The following SPDYE1 variants were observed in gnomAD, a reference collection of about 807,000 sequenced individuals.
The protein encoded by SPDYE1 is speedy protein E1.
In SPDYE1, 29 loss-of-function variants were observed where a neutral mutation model predicts 45.9. The observed-to-expected ratio is 0.63, with a 90% CI of 0.47 to 0.86. The LOEUF is 0.86. Among genes scored for constraint, SPDYE1 ranks in the 40% least tolerant of loss-of-function variants. The pLI is 0.00. For missense variants in SPDYE1, 346 were observed against 481.4 expected, an observed-to-expected ratio of 0.72 and a Z score of 2.63; for synonymous variants, 134 against 176.8, an observed-to-expected ratio of 0.76 and a Z score of 1.92.
In SPDYE1 at chr7:44,008,864, G is replaced by C. The variant is rs540544661; in HGVS notation, c.*243G>C. On this transcript the variant is annotated 3_prime_UTR_variant, in exon 9 of 9. Coordinates refer to ENST00000693451, the MANE Select transcript of SPDYE1 (RefSeq NM_001378423.2). ...GGGGGAGGGGGATGGGGTCCTTCTAGGAGTCCTTGGAGAAAAGTAAGAAAC... is the reference window on the plus strand; with the variant it reads ...GGGGGAGGGGGATGGGGTCCTTCTACGAGTCCTTGGAGAAAAGTAAGAAAC... 8 of 518,740 alleles carry C rather than the reference G, an allele frequency of 1.5e-5. No individual in the cohort carries two copies. The highest frequency in any genetic ancestry group is 2.7e-5 in the Non-Finnish European group (7 of 261,576). The allele number at this position is 518,740 out of a possible 1,614,324, so 32.1% of individuals were successfully genotyped here.
At chr7:44,008,502 C>G (rs1208664660) in intron 8 of SPDYE1, among the ~76,000 whole-genome samples, 165 bp from the exon 9 acceptor site, 1 of 152,186 alleles carries the variant, frequency 6.6e-6, no homozygotes, top group Non-Finnish European at 1.5e-5. Context: ...GTGTGAGTTT[C>G]ACAGTTGAAC....
chr7:44,007,902 C>T (rs192412920), intron 8 of SPDYE1, 89 bp downstream of exon 8: 17,756 of 1,543,034 alleles, frequency 0.012, 345 homozygotes, highest in South Asian at 0.076. Context: ...GGCTTCAAGC[C>T]TGGGCAACGT....
At chr7:44,007,964 C>T (rs182511573) in intron 8 of SPDYE1, 151 bp downstream of exon 8, 68 of 1,498,624 alleles carry the variant, frequency 4.5e-5, no homozygotes, top group African/African-American at 1.4e-4. Flanking sequence ...CAATGTGGGA[C>T]GCATCTCTAC....
At chr7:44,002,263 G>A (rs1358081507) in intron 3 of SPDYE1, among the ~76,000 whole-genome samples, 2 of 140,748 alleles carry the variant, frequency 1.4e-5, no homozygotes, top group African/African-American at 2.7e-5. Context: ...AGCCAAGATC[G>A]CACCACTACA....
rs746792157 is a variant in SPDYE1, at chr7:44,001,245, A to C, written c.340A>C (p.Ile114Leu). Residue 114 changes from isoleucine to leucine, a missense_variant, in exon 3 of 9, where the codon ATC (isoleucine) becomes CTC (leucine). This residue lies in a region of SPDYE1 where 141 missense variants were observed against 176.7 expected (regional missense o/e 0.80). Transcript: ENST00000693451. Reference protein sequence around the residue: ...MKLKQQRVSPILLEHHKDFNS... With the variant: ...MKLKQQRVSPLLLEHHKDFNS... ...GCTGAAGCAACAGCGAGTGTCACCCATCCTCCTTGAGCACCACAAGGACTT... is the reference window on the plus strand; with the variant it reads ...GCTGAAGCAACAGCGAGTGTCACCCCTCCTCCTTGAGCACCACAAGGACTT... The C allele has an allele frequency of 3.9e-5, 63 of 1,597,812 alleles. No homozygotes were observed. The highest frequency in any genetic ancestry group is 5.2e-5 in the Non-Finnish European group (61 of 1,179,914).
rs1377930933 is a variant in SPDYE1 at position 44,007,297 on chromosome 7, A to G, written c.782A>G (p.Asp261Gly). 6.2e-7 allele frequency: 1 copy of G among 1,612,846 alleles called. No individual in the cohort carries two copies. The highest frequency in any genetic ancestry group is 8.5e-7 in the Non-Finnish European group (1 of 1,180,002). Residue 261 changes from aspartate to glycine, a missense_variant, in exon 7 of 9, where the codon GAC (aspartate) becomes GGC (glycine). This residue lies in a region of SPDYE1 where 186 missense variants were observed against 219.1 expected (regional missense o/e 0.85). Transcript: ENST00000693451. The stretch of plus-strand genomic sequence containing the variant: ...CTGGCCAATGACATGGAGGAGGACG[A>G]CGAGGACTCCAAACAAAACATCTTC... Reference protein sequence around the residue: ...LYLANDMEEDDEDSKQNIFHF... With the variant: ...LYLANDMEEDGEDSKQNIFHF...
rs2096066012 is a variant in SPDYE1 at position 44,003,028 on chromosome 7, C to T, written c.607+211C>T. Among the ~76,000 whole-genome samples, 5 of 73,268 alleles carry T rather than the reference C, an allele frequency of 6.8e-5. No homozygotes were observed. In the East Asian group the frequency reaches 1.2e-3, roughly 18 times the overall value. 48.1% of individuals were successfully genotyped at this position (73,268 alleles called of 152,430 possible). ...AAGGTCAGCGCTTGGGATAAGAAAG[C>T]TTGGTTTCGGGCCAGGCGCAGTGGC... On this transcript the variant is annotated intron_variant, in intron 4 of 8. Coordinates refer to ENST00000693451, the MANE Select transcript of SPDYE1 (RefSeq NM_001378423.2).
At chr7:44,005,386 C>G in intron 6 of SPDYE1, 159 bp downstream of exon 6, 1 of 1,176,204 alleles carries the variant, frequency 8.5e-7, no homozygotes, top group Non-Finnish European at 1.2e-6. Flanking sequence ...TGTTTCTAAA[C>G]AGAAACTCAG....
Position 44,007,292 on chromosome 7 carries a change from G to C in SPDYE1, c.777G>C (p.Glu259Asp), listed in dbSNP as rs764390365. 5.6e-6 allele frequency: 9 copies of C among 1,612,612 alleles called. No homozygotes were observed. Among genetic ancestry groups the C allele is most frequent in the South Asian group, 5.5e-5 (5 of 91,014 alleles). The change falls in exon 7 of 9, where the codon GAG becomes GAC. Residue 259 changes from glutamate (E) to aspartate (D), a missense_variant. Coordinates refer to ENST00000693451, the MANE Select transcript of SPDYE1 (RefSeq NM_001378423.2). ...GCTACCTGGCCAATGACATGGAGGAGGACGACGAGGACTCCAAACAAAACA... is the reference window on the plus strand; with the variant it reads ...GCTACCTGGCCAATGACATGGAGGACGACGACGAGGACTCCAAACAAAACA... ...LALYLANDME[E>D]DDEDSKQNIF...
intron 4 of SPDYE1, among the ~76,000 whole-genome samples, chr7:44,003,534 A>T (rs1482095264): frequency 1.3e-5 from 2 of 152,116 alleles, no homozygotes; most frequent in South Asian, 2.1e-4. Context: ...TGACTGTCTC[A>T]TGAGGAAATG....
Position 43,999,993 on chromosome 7 carries a change from C to T in SPDYE1, c.44C>T (p.Thr15Met), listed in dbSNP as rs1170349642. 3.8e-5 allele frequency: 37 copies of T among 984,512 alleles called. No homozygotes were observed. The highest frequency in any genetic ancestry group is 5.2e-4 in the Middle Eastern group (1 of 1,936). The allele number at this position is 984,512 out of a possible 1,614,324, so 61.0% of individuals were successfully genotyped here. Reference protein sequence around the residue: ...ETRFRKRGQITGKITTSRQPH... With the variant: ...ETRFRKRGQIMGKITTSRQPH... The stretch of plus-strand genomic sequence containing the variant: ...AGGTTCCGTAAGAGGGGACAGATTA[C>T]GGGAAAGATCACGACCAGCCGTCAA... The change falls in exon 2 of 9, where the codon ACG becomes ATG. Residue 15 changes from threonine to methionine, a missense_variant. By Grantham distance (81) the Thr-to-Met change is moderately conservative (BLOSUM62 -1). This residue lies in a region of SPDYE1 where 15 missense variants were observed against 60.5 expected (regional missense o/e 0.25). Transcript: ENST00000693451.
At chr7:44,004,856 A>T (rs1214301366) in intron 5 of SPDYE1, 5 of 523,956 alleles carry the variant, frequency 9.5e-6, no homozygotes, top group Non-Finnish European at 1.7e-5. Context: ...CTGGCACACA[A>T]AAGACCCTCC....
rs1471280564 is a variant in SPDYE1 at position 44,009,246 on chromosome 7, T to C, written c.*625T>C. 1.6e-5 allele frequency: 2 copies of C among 121,852 alleles called. No individual in the cohort carries two copies. Among genetic ancestry groups the C allele is most frequent in the African/African-American group, 7.2e-5 (2 of 27,678 alleles). 7.5% of individuals were successfully genotyped at this position (121,852 alleles called of 1,614,324 possible). A position where few individuals can be genotyped will look rare whatever the true frequency, so the allele number is the denominator to read the frequency against. ...TTTTTGATGAGAGTTATAGTTGTTA[T>C]ATATACATAAAGATAATTTTCTTTT... is the stretch of plus-strand genomic sequence containing the variant. On this transcript the variant is annotated 3_prime_UTR_variant, in exon 9 of 9. Transcript: ENST00000693451.
intron 6 of SPDYE1, 62 bp from the exon 7 acceptor site, chr7:44,007,206 G>T: frequency 6.2e-7 from 1 of 1,612,016 alleles, no homozygotes; most frequent in African/African-American, 1.3e-5. Flanking sequence ...CTGGGAAGCT[G>T]ACCTCAGCCG....
intron 1 of SPDYE1, among the ~76,000 whole-genome samples, chr7:43,998,520 G>A (rs1264708202): frequency 2.8e-5 from 4 of 144,344 alleles, no homozygotes; most frequent in Non-Finnish European, 6.0e-5. Flanking sequence ...TCACCATGTT[G>A]TCCAGGCTGG....
rs1372807469 is a variant in SPDYE1, at chr7:44,002,703, G to A, written c.493G>A (p.Glu165Lys). 10 of 1,596,842 alleles carry A rather than the reference G, an allele frequency of 6.3e-6. No homozygotes were observed. The East Asian group carries it at 1.6e-4, about 25-fold the overall frequency. ...EEEPRKVLAP[E>K]PEEIWVAEML... ...GGAGCCACGGAAGGTGCTCGCCCCT[G>A]AGCCTGAGGAGATCTGGGTGGCGGA... Residue 165 changes from glutamate to lysine, a missense_variant, in exon 4 of 9, where the codon GAG becomes AAG. Glu to Lys is a moderately conservative substitution (Grantham distance 56). Transcript: ENST00000693451.
In SPDYE1 at chr7:44,009,767, T is replaced by TAAA. The variant is rs2128780501; in HGVS notation, c.*1148_*1149insAAA. On this transcript the variant is annotated 3_prime_UTR_variant, in exon 9 of 9. Coordinates refer to ENST00000693451, the MANE Select transcript of SPDYE1 (RefSeq NM_001378423.2). ...ATACATATAATTTTGTTTTCCTTTT[T>TAAA]AAGAGAGGATTCTTTTCATCCTAAA... 1 of 151,716 alleles carries TAAA rather than the reference T, an allele frequency of 6.6e-6. No homozygotes were observed. The highest frequency in any genetic ancestry group is 1.5e-5 in the Non-Finnish European group (1 of 67,874). 9.4% of individuals were successfully genotyped at this position (151,716 alleles called of 1,614,324 possible).
chr7:44,001,953 AAAG>A (rs1262417459), intron 3 of SPDYE1, among the ~76,000 whole-genome samples: 2 of 151,326 alleles, frequency 1.3e-5, no homozygotes, highest in African/African-American at 2.4e-5. Context: ...AAAAAAAAAA[AAAG>A]AAGGAAGGGC....
chr7:44,005,410 G>A, intron 6 of SPDYE1, 183 bp downstream of exon 6: 15 of 945,242 alleles, frequency 1.6e-5, no homozygotes, highest in Non-Finnish European at 2.4e-5. Flanking sequence ...GGGCACAGTG[G>A]AATACGCCTG....
Sources: gnomAD v4.1 joint callset for allele counts (sites outside exome capture counted in the v4.1 genomes callset) on GRCh38, gnomAD v4.1.1 for gene constraint, gnomAD v4.1.1 regional missense constraint, MANE v1.5 for transcripts, NCBI Gene and HGNC (gene_info 2026-07-23, HGNC 2026-07-21) for gene names.